The following GPC6 variants were observed in gnomAD, a reference collection of about 807,000 sequenced individuals.
The protein encoded by GPC6 is glypican-6.
GPC6 carries 14 observed loss-of-function variants against 55.2 expected under a neutral mutation model. That is an observed-to-expected ratio of 0.25 (90% confidence interval 0.17 to 0.40). GPC6 has a LOEUF of 0.40. Among genes scored for constraint, GPC6 ranks in the 10% least tolerant of loss-of-function variants. The pLI is 1.00. For synonymous variants in GPC6, 278 were observed against 259.6 expected (o/e 1.07, Z -0.68); for missense variants, 641 against 708.5 (o/e 0.90, Z 1.08).
chr13:93,251,558 A>G (rs933767368), intron 1 of GPC6, among the ~76,000 whole-genome samples: 6 of 152,230 alleles, frequency 3.9e-5, no homozygotes, highest in African/African-American at 1.4e-4. Context: ...AGATACTACT[A>G]TATAGAAGCA....
intron 3 of GPC6, among the ~76,000 whole-genome samples, chr13:93,841,925 T>G (rs918927952): frequency 6.6e-6 from 1 of 152,170 alleles, no homozygotes; most frequent in Non-Finnish European, 1.5e-5. Context: ...TTTTAAACTT[T>G]CATAAATACA....
chr13:94,099,282 C>G (rs1285573829), intron 4 of GPC6, among the ~76,000 whole-genome samples: 1 of 152,038 alleles, frequency 6.6e-6, no homozygotes, highest in Non-Finnish European at 1.5e-5. Context: ...CTTTAAGTAA[C>G]ATTGTTATAC....
At chr13:93,584,354 C>A (rs1015081168) in intron 2 of GPC6, among the ~76,000 whole-genome samples, 28 of 152,216 alleles carry the variant, frequency 1.8e-4, no homozygotes, top group African/African-American at 6.7e-4. Context: ...GTCCCAGAGA[C>A]CATTTTCAGG....
intron 2 of GPC6, among the ~76,000 whole-genome samples, chr13:93,655,110 A>G (rs1880605981): frequency 6.7e-6 from 1 of 148,808 alleles, no homozygotes; most frequent in Non-Finnish European, 1.5e-5. Context: ...CGGCCTCCTA[A>G]AGTGCTGGGA....
At chr13:94,268,354 T>G (rs1891879825) in intron 4 of GPC6, among the ~76,000 whole-genome samples, 1 of 152,192 alleles carries the variant, frequency 6.6e-6, no homozygotes, top group Non-Finnish European at 1.5e-5. Flanking sequence ...TCAGCATGCT[T>G]TTTCTTTAAA....
chr13:94,336,515 CAG>C (rs1337810844), intron 6 of GPC6, among the ~76,000 whole-genome samples: 1 of 152,126 alleles, frequency 6.6e-6, no homozygotes, highest in South Asian at 2.1e-4. Context: ...TATGAAAATG[CAG>C]AGTCTCACTG....
In GPC6 at chr13:94,012,683, T is replaced by C. The variant is rs1422893763; in HGVS notation, c.712-15046T>C. On this transcript the variant is annotated intron_variant, in intron 3 of 8. Transcript: ENST00000377047. ...ATATGCCAGCTACTTACACTAGGTG[T>C]TTAAAGCTGTACATGTTCCTGAGAG... 2.0e-5 allele frequency among the ~76,000 whole-genome samples: 3 copies of C among 152,342 alleles called. No individual in the cohort carries two copies. The East Asian group carries it at 5.8e-4, about 29-fold the overall frequency.
intron 4 of GPC6, among the ~76,000 whole-genome samples, chr13:94,034,954 C>T (rs1883282876): frequency 6.6e-6 from 1 of 150,556 alleles, no homozygotes; most frequent in Non-Finnish European, 1.5e-5. Context: ...AGGAAGTTTA[C>T]TAAAGTACGA....
At chr13:93,736,255 G>A (rs1429086647) in intron 2 of GPC6, among the ~76,000 whole-genome samples, 2 of 152,142 alleles carry the variant, frequency 1.3e-5, no homozygotes, top group East Asian at 3.9e-4. Flanking sequence ...TTTCAAAATA[G>A]CTATATATGA....
chr13:93,719,960 T>C (rs189797973), intron 2 of GPC6, among the ~76,000 whole-genome samples: 133 of 152,266 alleles, frequency 8.7e-4, no homozygotes, highest in Non-Finnish European at 1.2e-3. Flanking sequence ...ATAAGCTTTT[T>C]AATGTGCTGC....
At chr13:93,715,986 A>G (rs965646187) in intron 2 of GPC6, among the ~76,000 whole-genome samples, 1 of 151,580 alleles carries the variant, frequency 6.6e-6, no homozygotes, top group Admixed American at 6.6e-5. Flanking sequence ...CTGCATCTAC[A>G]ATGGTGGTAC....
At chr13:93,238,968 G>C (rs1357773737) in intron 1 of GPC6, among the ~76,000 whole-genome samples, 2 of 151,910 alleles carry the variant, frequency 1.3e-5, no homozygotes, top group Non-Finnish European at 2.9e-5. Flanking sequence ...TTATCCTTTT[G>C]TTGTGCTATA....
chr13:93,496,882 T>A (rs1880320393), intron 1 of GPC6, among the ~76,000 whole-genome samples: 1 of 152,214 alleles, frequency 6.6e-6, no homozygotes, highest in South Asian at 2.1e-4. Flanking sequence ...TTAAACATAA[T>A]ATATACAAGA....
intron 3 of GPC6, among the ~76,000 whole-genome samples, chr13:93,951,229 G>A (rs1194981595): frequency 6.6e-6 from 1 of 152,078 alleles, no homozygotes; most frequent in Non-Finnish European, 1.5e-5. Flanking sequence ...AAGGTGTCAT[G>A]TTACTTCCTG....
chr13:93,578,643 G>T (rs181236198), intron 2 of GPC6, among the ~76,000 whole-genome samples: 37 of 142,022 alleles, frequency 2.6e-4, no homozygotes, highest in Middle Eastern at 3.8e-3. Context: ...CATTTGTTTT[G>T]TTTTTTTTTT....
intron 1 of GPC6, among the ~76,000 whole-genome samples, chr13:93,458,981 A>G (rs746997184): frequency 2.0e-5 from 3 of 152,200 alleles, no homozygotes; most frequent in Non-Finnish European, 4.4e-5. Context: ...GGTTAATTTT[A>G]TTACTGATAA....
intron 4 of GPC6, among the ~76,000 whole-genome samples, chr13:94,216,683 C>T (rs1455803117): frequency 6.6e-6 from 1 of 152,150 alleles, no homozygotes; most frequent in Non-Finnish European, 1.5e-5. Context: ...GGAGCTGGCT[C>T]ATTCACACAT....
intron 1 of GPC6, among the ~76,000 whole-genome samples, chr13:93,278,601 T>A (rs1877843563): frequency 6.6e-6 from 1 of 152,250 alleles, no homozygotes; most frequent in African/African-American, 2.4e-5. Context: ...ACGTTTTCAT[T>A]CTTATTCACG....
intron 1 of GPC6, among the ~76,000 whole-genome samples, chr13:93,442,885 G>C (rs1296216049): frequency 6.6e-6 from 1 of 152,034 alleles, no homozygotes; most frequent in Non-Finnish European, 1.5e-5. Context: ...ATACTGATTG[G>C]TAATTTATAA....
Sources: allele counts gnomAD v4.1 joint callset (sites outside exome capture counted in the v4.1 genomes callset), GRCh38; gene constraint gnomAD v4.1.1; transcripts MANE v1.5; gene names NCBI Gene and HGNC (gene_info 2026-07-23, HGNC 2026-07-21).